Variants in PTPRT observed in about 807,000 individuals in gnomAD.
The protein encoded by PTPRT is receptor-type tyrosine-protein phosphatase T.
PTPRT carries 56 observed loss-of-function variants against 176.8 expected under a neutral mutation model. That is an observed-to-expected ratio of 0.32 (90% confidence interval 0.26 to 0.40). The LOEUF (loss-of-function observed/expected upper bound fraction) is 0.40, where lower values mean the gene tolerates loss of function less well. Among genes scored for constraint, PTPRT ranks in the 10% least tolerant of loss-of-function variants. The pLI is 1.00. For missense variants in PTPRT, 1,540 were observed against 1,908.2 expected (o/e 0.81, Z 3.60); for synonymous variants, 783 against 739.0 (o/e 1.06, Z -0.96).
chr20:42,714,716 G>A (rs997461778), intron 6 of PTPRT, among the ~76,000 whole-genome samples: 1 of 152,176 alleles, frequency 6.6e-6, no homozygotes, highest in African/African-American at 2.4e-5. Flanking sequence ...TCTGCCTGGT[G>A]GTTATTTTCT....
intron 11 of PTPRT, among the ~76,000 whole-genome samples, chr20:42,348,625 A>T (rs1378622225): frequency 6.6e-6 from 1 of 152,134 alleles, no homozygotes; most frequent in Admixed American, 6.6e-5. Context: ...TTGCGAGAAT[A>T]CAGGTAGTGT....
intron 1 of PTPRT, among the ~76,000 whole-genome samples, chr20:43,184,505 G>T (rs1031519425): frequency 6.6e-6 from 1 of 152,120 alleles, no homozygotes; most frequent in African/African-American, 2.4e-5. Flanking sequence ...TGGCTAACAC[G>T]GTGAAACTCT....
chr20:42,049,683 A>G, the PTPRT span, among the ~76,000 whole-genome samples: 1 of 152,168 alleles, frequency 6.6e-6, no homozygotes, highest in Non-Finnish European at 1.5e-5. Context: ...CCATGCAGTG[A>G]GCTTGTTGTG....
chr20:42,063,581 C>A, the PTPRT span: 1 of 152,176 alleles, frequency 6.6e-6, no homozygotes, highest in Non-Finnish European at 1.5e-5. Flanking sequence ...GTCCAGGGAC[C>A]AACATAGGAA....
intron 7 of PTPRT, among the ~76,000 whole-genome samples, chr20:42,605,714 T>C (rs2073864281): frequency 6.6e-6 from 1 of 152,204 alleles, no homozygotes; most frequent in African/African-American, 2.4e-5. Context: ...CATTGGATGC[T>C]GCTGTGGGGA....
chr20:43,124,652 G>A (rs969706094), intron 1 of PTPRT, among the ~76,000 whole-genome samples: 5 of 152,308 alleles, frequency 3.3e-5, no homozygotes, highest in East Asian at 1.9e-4. Context: ...AATCTTTCAC[G>A]CATTCAACGA....
At chr20:42,650,840 G>A (rs1340814669) in intron 7 of PTPRT, among the ~76,000 whole-genome samples, 1 of 152,138 alleles carries the variant, frequency 6.6e-6, no homozygotes, top group Non-Finnish European at 1.5e-5. Flanking sequence ...GTGTGTCAAA[G>A]AATGACAACG....
chr20:42,351,297 G>T (rs2058280313), intron 10 of PTPRT, among the ~76,000 whole-genome samples: 2 of 151,962 alleles, frequency 1.3e-5, no homozygotes, highest in Admixed American at 1.3e-4. Context: ...CCAAACCAAT[G>T]AATTAAACTT....
chr20:42,567,973 CTT>C (rs559196108), intron 7 of PTPRT, among the ~76,000 whole-genome samples: 20 of 140,308 alleles, frequency 1.4e-4, no homozygotes, highest in Non-Finnish European at 1.4e-4. Flanking sequence ...CTTTTTTTTG[CTT>C]TTTTTTTTTT....
chr20:42,184,535 C>CTCCTCTTCTTCTTCTTCT (rs1990657752), intron 16 of PTPRT, among the ~76,000 whole-genome samples: 3 of 36,616 alleles, frequency 8.2e-5, no homozygotes, highest in Non-Finnish European at 5.0e-5. Flanking sequence ...CTTCTTCTTC[C>CTCCTCTTCTTCTTCTTCT]TCTTCCTCTT....
intron 9 of PTPRT, among the ~76,000 whole-genome samples, chr20:42,393,245 T>C (rs1458775478): frequency 6.6e-6 from 1 of 152,198 alleles, no homozygotes; most frequent in African/African-American, 2.4e-5. Flanking sequence ...CAAGGTGCCA[T>C]ATTTGGGGGT....
chr20:43,039,034 G>C (rs1482152594), intron 1 of PTPRT, among the ~76,000 whole-genome samples: 1 of 152,140 alleles, frequency 6.6e-6, no homozygotes, highest in African/African-American at 2.4e-5. Context: ...ATCCAACGCA[G>C]AGCCAACCAA....
rs182586859 is a variant in PTPRT, at chr20:42,701,355, G to A, written c.860-23196C>T. The stretch of plus-strand genomic sequence containing the variant: ...GTAGGCATTAGTAACCCACACAACA[G>A]TAGATTAGTCAGTAATGATAGGTGC... On this transcript the variant is annotated intron_variant, in intron 6 of 30. Coordinates refer to ENST00000373187, the MANE Select transcript of PTPRT (RefSeq NM_007050.6). Among the ~76,000 whole-genome samples the A allele has an allele frequency of 1.6e-3, 240 of 152,308 alleles. 5 individuals are homozygous for A. The highest frequency in any genetic ancestry group is 0.015 in the Admixed American group (224 of 15,306).
chr20:43,008,832 T>C (rs1984985171), intron 1 of PTPRT, among the ~76,000 whole-genome samples: 1 of 152,168 alleles, frequency 6.6e-6, no homozygotes, highest in Non-Finnish European at 1.5e-5. Context: ...AGAAAGAAAG[T>C]CTAATGACTC....
At chr20:42,213,964 C>T (rs1243041387) in intron 15 of PTPRT, among the ~76,000 whole-genome samples, 2 of 152,154 alleles carry the variant, frequency 1.3e-5, no homozygotes, top group South Asian at 4.1e-4. Flanking sequence ...GTTTAATAAA[C>T]ATTATAGAGT....
chr20:42,936,172 CTA>C (rs1980176367), intron 1 of PTPRT, among the ~76,000 whole-genome samples: 1 of 152,068 alleles, frequency 6.6e-6, no homozygotes, highest in Admixed American at 6.5e-5. Flanking sequence ...GTGATAACAG[CTA>C]TAGAGAAAGC....
At chr20:42,421,057 C>G (rs2145769523) in intron 9 of PTPRT, among the ~76,000 whole-genome samples, 1 of 152,258 alleles carries the variant, frequency 6.6e-6, no homozygotes, top group East Asian at 1.9e-4. Context: ...GGTGTCTGTT[C>G]TTGGTTGATC....
At chr20:42,813,013 C>T (rs955006945) in intron 2 of PTPRT, among the ~76,000 whole-genome samples, 8 of 152,134 alleles carry the variant, frequency 5.3e-5, no homozygotes, top group African/African-American at 1.9e-4. Context: ...TGACTACTTT[C>T]ACCACTCTAT....
chr20:42,215,461 T>C (rs2055746305), intron 15 of PTPRT, among the ~76,000 whole-genome samples: 1 of 152,220 alleles, frequency 6.6e-6, no homozygotes, highest in Non-Finnish European at 1.5e-5. Flanking sequence ...TAGTTCTTTT[T>C]TATCCTCCTT....
Sources: gnomAD v4.1 joint callset for allele counts (sites outside exome capture counted in the v4.1 genomes callset) on GRCh38, gnomAD v4.1.1 for gene constraint, MANE v1.5 for transcripts, NCBI Gene and HGNC (gene_info 2026-07-23, HGNC 2026-07-21) for gene names.